SPEF2: variants seen among roughly 807,000 people sequenced by gnomAD.
SPEF2 encodes sperm flagellar and cilia associated 2.
A neutral mutation model predicts 224.6 loss-of-function variants in SPEF2; 187 were observed. The ratio of observed to expected loss-of-function variants is 0.83; its 90% CI spans 0.74 to 0.94. The LOEUF (loss-of-function observed/expected upper bound fraction) is 0.94, where lower values mean the gene tolerates loss of function less well. SPEF2 is among the 40% of genes least tolerant of loss of function. The pLI, the probability that SPEF2 is intolerant of heterozygous loss-of-function variation, is 0.00. For synonymous variants in SPEF2, 715 were observed against 707.3 expected (o/e 1.01, Z -0.17); for missense variants, 2,170 against 2,135.6 (o/e 1.02, Z -0.32).
chr5:35,680,431 T>TA (rs377017050), intron 10 of SPEF2, among the ~76,000 whole-genome samples: 157 of 152,336 alleles, frequency 1.0e-3, no homozygotes, highest in African/African-American at 3.5e-3. Context: ...TGTACTTAGT[T>TA]AAAATTACTA....
rs768423739 is a variant in SPEF2, at chr5:35,753,772, C to G, written c.3468+11C>G. The G allele has an allele frequency of 6.2e-7, 1 of 1,613,964 alleles. No homozygotes were observed. The highest frequency in any genetic ancestry group is 8.5e-7 in the Non-Finnish European group (1 of 1,179,896). On this transcript the variant is annotated intron_variant, in intron 24 of 36. Coordinates refer to ENST00000356031, the MANE Select transcript of SPEF2 (RefSeq NM_024867.4). ...TTTTCCCTGATGCAGGTAAGAGCAGCTGGTCACAATAACCCAGGCACTTCC... is the reference window on the plus strand; with the variant it reads ...TTTTCCCTGATGCAGGTAAGAGCAGGTGGTCACAATAACCCAGGCACTTCC...
chr5:35,732,312 T>C (rs536993768), intron 21 of SPEF2, among the ~76,000 whole-genome samples: 5 of 152,304 alleles, frequency 3.3e-5, no homozygotes, highest in African/African-American at 1.2e-4. Flanking sequence ...CAACTCTTCA[T>C]GCACACAGTG....
At chr5:35,792,071 A>G (rs759745718) in intron 30 of SPEF2, among the ~76,000 whole-genome samples, 1 of 152,106 alleles carries the variant, frequency 6.6e-6, no homozygotes, top group Non-Finnish European at 1.5e-5. Flanking sequence ...TAAACTAAAA[A>G]GTATACAGTT....
rs1468578413 is a variant in SPEF2 at position 35,643,470 on chromosome 5, A to G, written c.415-885A>G. Reference sequence around the variant, plus strand: ...GAGAACAGTAGGAGAGAAAAGCTCAAGTGAAGTATGAGATTGCTTGTTTTA... The same window carrying G: ...GAGAACAGTAGGAGAGAAAAGCTCAGGTGAAGTATGAGATTGCTTGTTTTA... On this transcript the variant is annotated intron_variant, in intron 3 of 36. Coordinates refer to ENST00000356031, the MANE Select transcript of SPEF2 (RefSeq NM_024867.4). The G allele has an allele frequency of 8.8e-6, 4 of 455,984 alleles. No homozygotes were observed. In the Admixed American group the frequency reaches 9.4e-5, roughly 11 times the overall value. The allele number at this position is 455,984 out of a possible 1,614,324, so 28.2% of individuals were successfully genotyped here. A position where few individuals can be genotyped will look rare whatever the true frequency, so the allele number is the denominator to read the frequency against.
At chr5:35,777,039 T>C (rs1753698338) in intron 29 of SPEF2, among the ~76,000 whole-genome samples, 1 of 152,200 alleles carries the variant, frequency 6.6e-6, no homozygotes. Context: ...CTGGGCCTCA[T>C]TGGCTTCATC....
chr5:35,679,190 G>A (rs1456130990), intron 10 of SPEF2, among the ~76,000 whole-genome samples: 1 of 152,174 alleles, frequency 6.6e-6, no homozygotes, highest in Non-Finnish European at 1.5e-5. Context: ...TACTTCTGTA[G>A]TATTTTATTC....
chr5:35,643,178 C>A (rs1478724250), intron 3 of SPEF2, among the ~76,000 whole-genome samples: 1 of 151,792 alleles, frequency 6.6e-6, no homozygotes, highest in Non-Finnish European at 1.5e-5. Context: ...CAAACAAGTG[C>A]CTATTAGCTC....
intron 6 of SPEF2, among the ~76,000 whole-genome samples, chr5:35,649,929 T>G (rs1463783198): frequency 6.6e-6 from 1 of 152,220 alleles, no homozygotes; most frequent in Admixed American, 6.5e-5. Flanking sequence ...TACCTAAAGA[T>G]AAAGCTCCTT....
rs1045685602 is a variant in SPEF2, at chr5:35,644,386, A to G, written c.446A>G (p.Asp149Gly). 3.0e-5 allele frequency: 48 copies of G among 1,602,516 alleles called. No homozygotes were observed. The highest frequency in any genetic ancestry group is 3.9e-5 in the Non-Finnish European group (46 of 1,174,720). ...AGACACATGATACCACGTCAAACTGATTTCAATCTGATGCGGATTACATAC... is the reference window on the plus strand; with the variant it reads ...AGACACATGATACCACGTCAAACTGGTTTCAATCTGATGCGGATTACATAC... ...RLRHMIPRQT[D>G]FNLMRITYRF... is the part of the protein sequence containing the mutation. The change falls in exon 4 of 37, where the codon GAT becomes GGT. Residue 149 changes from aspartate (D) to glycine (G), a missense_variant. Asp to Gly is a moderately conservative substitution (Grantham distance 94). Coordinates refer to ENST00000356031, the MANE Select transcript of SPEF2 (RefSeq NM_024867.4).
In SPEF2 at chr5:35,779,152, T is replaced by C. The variant is rs367782371; in HGVS notation, c.4253T>C (p.Ile1418Thr). The C allele has an allele frequency of 1.2e-4, 188 of 1,613,636 alleles. No individual in the cohort carries two copies. Among genetic ancestry groups the C allele is most frequent in the South Asian group, 8.5e-4 (77 of 91,068 alleles). ...TTAACTGACGTAGCTCGCTATCACA[T>C]TGAAACATCTACAAAAATTCAGAAT... ...EKLTDVARYHIETSTKIQNEL... is the reference protein window; with the variant it reads ...EKLTDVARYHTETSTKIQNEL... Residue 1418 changes from isoleucine to threonine, a missense_variant, in exon 30 of 37, where the codon ATT becomes ACT. By Grantham distance (89) the Ile-to-Thr change is moderately conservative (BLOSUM62 -1). Transcript: ENST00000356031.
chr5:35,783,116 G>A (rs375182464), intron 30 of SPEF2, among the ~76,000 whole-genome samples: 3 of 152,154 alleles, frequency 2.0e-5, no homozygotes, highest in Non-Finnish European at 2.9e-5. Flanking sequence ...TCCTATGAGC[G>A]TACTACCGGC....
At chr5:35,712,408 TA>T (rs1741348848) in intron 19 of SPEF2, among the ~76,000 whole-genome samples, 1 of 152,162 alleles carries the variant, frequency 6.6e-6, no homozygotes. Flanking sequence ...GCATCATTTT[TA>T]TCACAGATAC....
chr5:35,676,132 AAG>A (rs1667389918), intron 10 of SPEF2: 2 of 411,618 alleles, frequency 4.9e-6, no homozygotes, highest in South Asian at 3.5e-5. Flanking sequence ...GACAAAGCCA[AAG>A]AGAGGAGTCC....
intron 3 of SPEF2, chr5:35,643,371 G>A (rs916669374): frequency 2.5e-6 from 1 of 395,526 alleles, no homozygotes; most frequent in African/African-American, 2.1e-5. Flanking sequence ...GGATTGCAGT[G>A]AGTTGAGAAG....
chr5:35,727,785 T>A lies in SPEF2; in HGVS notation c.3025T>A (p.Ser1009Thr). Reference sequence around the variant, plus strand: ...AGTGCCACAGCCACCTAAGCCAGGATCAGAAGAATGGGTCTATGTGAATGA... The same window carrying A: ...AGTGCCACAGCCACCTAAGCCAGGAACAGAAGAATGGGTCTATGTGAATGA... The part of the protein sequence containing the change: ...AIVPQPPKPG[S>T]EEWVYVNEPV... Residue 1009 changes from serine (S) to threonine (T), a missense_variant, in exon 21 of 37, where the codon TCA (serine) becomes ACA (threonine). Ser to Thr is a moderately conservative substitution (Grantham distance 58). Coordinates refer to ENST00000356031, the MANE Select transcript of SPEF2 (RefSeq NM_024867.4). 1 of 1,613,956 alleles carries A rather than the reference T, an allele frequency of 6.2e-7. No individual in the cohort carries two copies.
chr5:35,638,980 G>T (rs1746218392), intron 2 of SPEF2, among the ~76,000 whole-genome samples: 1 of 152,120 alleles, frequency 6.6e-6, no homozygotes, highest in Non-Finnish European at 1.5e-5. Flanking sequence ...ACCACAGAGG[G>T]CCTTTTGTGA....
intron 20 of SPEF2, among the ~76,000 whole-genome samples, chr5:35,722,482 T>G (rs535841219): frequency 7.1e-6 from 1 of 140,370 alleles, no homozygotes; most frequent in African/African-American, 2.8e-5. Context: ...TTTTCAAGGT[T>G]TTTTTTCTTT....
chr5:35,702,062 T>C, intron 16 of SPEF2: 1 of 417,512 alleles, frequency 2.4e-6, no homozygotes, highest in Non-Finnish European at 4.8e-6. Context: ...CAGCAGCTAA[T>C]GGAGAAGAAG....
chr5:35,758,200 A>G, intron 24 of SPEF2, among the ~76,000 whole-genome samples: 1 of 151,952 alleles, frequency 6.6e-6, no homozygotes, highest in East Asian at 1.9e-4. Context: ...AAGGCTTTGA[A>G]CATTAGGTCA....
Sources: allele counts gnomAD v4.1 joint callset (sites outside exome capture counted in the v4.1 genomes callset), GRCh38; gene constraint gnomAD v4.1.1; transcripts MANE v1.5; gene names NCBI Gene and HGNC (gene_info 2026-07-23, HGNC 2026-07-21).